PRELID2: variants seen among roughly 807,000 people sequenced by gnomAD.
The protein encoded by PRELID2 is PRELI domain-containing protein 2.
Under a neutral mutation model 28.4 loss-of-function variants are expected in PRELID2, and 25 were observed. The observed-to-expected ratio is 0.88, with a 90% CI of 0.64 to 1.23. The LOEUF (loss-of-function observed/expected upper bound fraction) is 1.23. PRELID2 is among the 50% of genes most tolerant of loss of function. The probability of loss-of-function intolerance (pLI) is 0.00; values close to 1 mark genes in which losing one functional copy is unlikely to be tolerated. For missense variants in PRELID2, 201 were observed against 214.4 expected, an observed-to-expected ratio of 0.94 and a Z score of 0.39; for synonymous variants, 76 against 71.6, an observed-to-expected ratio of 1.06 and a Z score of -0.31.
intron 4 of PRELID2, among the ~76,000 whole-genome samples, chr5:145,811,579 G>C (rs933282549): frequency 5.3e-5 from 8 of 152,184 alleles, no homozygotes; most frequent in African/African-American, 1.9e-4. Context: ...AGCCATGCCT[G>C]GAGCAGAGGT....
the PRELID2 span, among the ~76,000 whole-genome samples, chr5:145,363,898 T>C: frequency 1.3e-5 from 2 of 152,002 alleles, no homozygotes; most frequent in African/African-American, 2.4e-5. Flanking sequence ...TAATGAAACA[T>C]AGACTAGAAA....
intron 4 of PRELID2, among the ~76,000 whole-genome samples, chr5:145,816,977 T>C (rs1371398137): frequency 6.6e-6 from 1 of 151,432 alleles, no homozygotes; most frequent in African/African-American, 2.4e-5. Flanking sequence ...CTGGGCAACA[T>C]AGTGAGACCC....
chr5:145,742,323 G>GAT lies in PRELID2; in HGVS notation n.70+22606_70+22607dup, dbSNP rs1426748813. The stretch of plus-strand genomic sequence containing the variant: ...ATATTTATATATATAAATAAAAATA[G>GAT]ATATATTTTTTTTTTCTGGCTACAT... On this transcript the variant is annotated intron_variant and non_coding_transcript_variant, in intron 1 of 2. Transcript: ENST00000510259. 3.3e-3 allele frequency among the ~76,000 whole-genome samples: 205 copies of GAT among 61,196 alleles called. 2 individuals are homozygous for GAT. The highest frequency in any genetic ancestry group is 8.7e-3 in the African/African-American group (187 of 21,526). The allele number at this position is 61,196 out of a possible 152,430, so 40.1% of individuals were successfully genotyped here. A position where few individuals can be genotyped will look rare whatever the true frequency, so the allele number is the denominator to read the frequency against.
the PRELID2 span, among the ~76,000 whole-genome samples, chr5:145,297,043 GT>G: frequency 2.0e-5 from 3 of 152,046 alleles, no homozygotes; most frequent in East Asian, 5.8e-4. Context: ...GGGGTTGTTT[GT>G]TTTTTCCTTG....
intron 1 of PRELID2, among the ~76,000 whole-genome samples, chr5:145,575,338 A>C (rs1338050149): frequency 6.6e-6 from 1 of 152,162 alleles, no homozygotes; most frequent in African/African-American, 2.4e-5. Context: ...AACCTGCTGG[A>C]GACAGCTAAT....
At chr5:145,667,230 C>A (rs200868403) in intron 1 of PRELID2, among the ~76,000 whole-genome samples, 2 of 151,916 alleles carry the variant, frequency 1.3e-5, no homozygotes, top group Non-Finnish European at 2.9e-5. Context: ...TTTTTTTCTT[C>A]TGGAACTCCC....
At chr5:145,828,819 T>C (rs1216954110) in intron 1 of PRELID2, among the ~76,000 whole-genome samples, 2 of 147,766 alleles carry the variant, frequency 1.4e-5, no homozygotes, top group Non-Finnish European at 3.0e-5. Context: ...TGTACTTAGA[T>C]AGTGAAAAAA....
the PRELID2 span, among the ~76,000 whole-genome samples, chr5:145,257,930 C>A: frequency 6.6e-6 from 1 of 152,144 alleles, no homozygotes. Context: ...GGTTTAGCAT[C>A]ATTCTCTTGG....
At chr5:145,824,446 G>GTC in intron 1 of PRELID2, among the ~76,000 whole-genome samples, 1 of 137,010 alleles carries the variant, frequency 7.3e-6, no homozygotes, top group Non-Finnish European at 1.7e-5. Context: ...GTGTGTGTGT[G>GTC]TGTGTGTGTG....
At chr5:145,696,713 C>T (rs1755276181) in intron 1 of PRELID2, among the ~76,000 whole-genome samples, 1 of 151,940 alleles carries the variant, frequency 6.6e-6, no homozygotes, top group South Asian at 2.1e-4. Context: ...ATCTGCCCAC[C>T]TCGGCCTCCC....
At chr5:145,601,825 G>C (rs1015568694) in intron 1 of PRELID2, among the ~76,000 whole-genome samples, 3 of 152,088 alleles carry the variant, frequency 2.0e-5, no homozygotes, top group African/African-American at 7.2e-5. Flanking sequence ...ACACAATTAG[G>C]GTAGTGAGGA....
chr5:145,384,103 C>T, the PRELID2 span, among the ~76,000 whole-genome samples: 1 of 152,088 alleles, frequency 6.6e-6, no homozygotes, highest in South Asian at 2.1e-4. Flanking sequence ...GTGAGAACCA[C>T]AATGATGCAC....
chr5:145,301,568 A>C, the PRELID2 span, among the ~76,000 whole-genome samples: 1 of 152,268 alleles, frequency 6.6e-6, no homozygotes, highest in Non-Finnish European at 1.5e-5. Context: ...CCTTTCTAAA[A>C]GATCTTTGCC....
chr5:145,360,335 G>C, the PRELID2 span, among the ~76,000 whole-genome samples: 1 of 152,120 alleles, frequency 6.6e-6, no homozygotes, highest in African/African-American at 2.4e-5. Flanking sequence ...CAACAGAGAA[G>C]ACAGAAAAGG....
chr5:145,419,703 T>C, the PRELID2 span, among the ~76,000 whole-genome samples: 4 of 152,308 alleles, frequency 2.6e-5, no homozygotes, highest in Admixed American at 1.3e-4. Flanking sequence ...TGATGGTAGT[T>C]TGTTTTGCTG....
At chr5:145,230,055 AC>A in the PRELID2 span, 2 of 683,278 alleles carry the variant, frequency 2.9e-6, no homozygotes, top group Non-Finnish European at 5.5e-6. Context: ...TGCCAGATAG[AC>A]CCCTGTACCA....
At chr5:145,286,707 T>G in the PRELID2 span, among the ~76,000 whole-genome samples, 1 of 96,024 alleles carries the variant, frequency 1.0e-5, no homozygotes, top group African/African-American at 5.1e-5. Context: ...TTTTTGTTTT[T>G]TTTTGTTTGT....
the PRELID2 span, among the ~76,000 whole-genome samples, chr5:145,421,156 T>C: frequency 6.6e-6 from 1 of 151,880 alleles, no homozygotes; most frequent in Non-Finnish European, 1.5e-5. Context: ...TGAGGATTTT[T>C]GCATCAATGT....
At chr5:145,513,078 C>A (rs1561497054) in intron 1 of PRELID2, among the ~76,000 whole-genome samples, 1 of 152,082 alleles carries the variant, frequency 6.6e-6, no homozygotes, top group Non-Finnish European at 1.5e-5. Context: ...AATGCCTCTT[C>A]TCCTCCAAAG....
Sources: allele counts gnomAD v4.1 joint callset (sites outside exome capture counted in the v4.1 genomes callset), GRCh38; gene constraint gnomAD v4.1.1; transcripts MANE v1.5; gene names NCBI Gene and HGNC (gene_info 2026-07-23, HGNC 2026-07-21).